GSPT1: variants seen among roughly 807,000 people sequenced by gnomAD.
GSPT1 encodes the protein eukaryotic peptide chain release factor GTP-binding subunit ERF3A.
Under a neutral mutation model 72.5 loss-of-function variants are expected in GSPT1, and 20 were observed. The observed-to-expected ratio is 0.28, with a 90% CI of 0.19 to 0.40. The LOEUF (loss-of-function observed/expected upper bound fraction) is 0.40, where lower values mean the gene tolerates loss of function less well. Among genes scored for constraint, GSPT1 ranks in the 10% least tolerant of loss-of-function variants. GSPT1 has a pLI of 1.00. For missense variants in GSPT1, 580 were observed against 811.9 expected, an observed-to-expected ratio of 0.71 and a Z score of 3.47; for synonymous variants, 334 against 293.5, an observed-to-expected ratio of 1.14 and a Z score of -1.41.
At position 11,915,673 on chromosome 16, in the gene GSPT1, C is replaced by CCGCCGCCGCCGCCG. The variant is rs2054625540; in HGVS notation, c.47_48insCGGCGGCGGCGGCG (p.Ser17GlyfsTer135). The CCGCCGCCGCCGCCG allele has an allele frequency of 7.6e-7, 1 of 1,317,396 alleles. No individual in the cohort carries two copies. Among genetic ancestry groups the CCGCCGCCGCCGCCG allele is most frequent in the African/African-American group, 1.6e-5 (1 of 63,056 alleles). 81.6% of individuals were successfully genotyped at this position (1,317,396 alleles called of 1,614,324 possible). On this transcript the variant is annotated frameshift_variant, in exon 1 of 15. Coordinates refer to ENST00000434724, the MANE Select transcript of GSPT1 (RefSeq NM_002094.4). LOFTEE classifies it high-confidence loss of function. Reference sequence around the variant, plus strand: ...CGCTGCTGCTGCTGCCGCTGCTGCTCCCGCCGCCGCCGCCGCCGCCGCCGC... The same window carrying CCGCCGCCGCCGCCG: ...CGCTGCTGCTGCTGCCGCTGCTGCTCCGCCGCCGCCGCCGCCGCCGCCGCCGCCGCCGCCGCCGC...
rs190542474 is a variant in GSPT1 at position 11,878,178 on chromosome 16, C to T, written c.1429-598G>A. Among the ~76,000 whole-genome samples the T allele has an allele frequency of 1.4e-3, 207 of 152,190 alleles. 2 individuals carry two copies. The highest frequency in any genetic ancestry group is 1.8e-3 in the Non-Finnish European group (121 of 67,996). On this transcript the variant is annotated intron_variant, in intron 11 of 14. Coordinates refer to ENST00000434724, the MANE Select transcript of GSPT1 (RefSeq NM_002094.4). Reference sequence around the variant, plus strand: ...TTGCCCAGGCTGGAGTGCAGTGGTGCGATCTTGGCTCACTGCAACCTCTGC... The same window carrying T: ...TTGCCCAGGCTGGAGTGCAGTGGTGTGATCTTGGCTCACTGCAACCTCTGC...
upstream of GSPT1, chr16:11,916,007 C>A (rs2054633831): frequency 7.4e-6 from 5 of 674,806 alleles, no homozygotes; most frequent in Admixed American, 1.8e-5. Flanking sequence ...CAACCCCACC[C>A]CCGGCGCGGA....
intron 1 of GSPT1, among the ~76,000 whole-genome samples, chr16:11,899,228 AAG>A (rs2054376168): frequency 6.6e-6 from 1 of 152,226 alleles, no homozygotes; most frequent in South Asian, 2.1e-4. Context: ...CAATACCTGT[AAG>A]AGTCAAGAGA....
rs138731095 is a variant in GSPT1 at position 11,902,589 on chromosome 16, C to CT, written c.353-4555dup. Among the ~76,000 whole-genome samples the CT allele has an allele frequency of 1.5e-3, 212 of 144,628 alleles. 7 individuals are homozygous for CT. In the South Asian group the frequency reaches 0.032, roughly 22 times the overall value. 94.9% of individuals were successfully genotyped at this position (144,628 alleles called of 152,430 possible). Reference sequence around the variant, plus strand: ...TACACATGATAAACTGGAACTGGATCTTTTTTTTTTTTTTAAGAGATGGAG... The same window carrying CT: ...TACACATGATAAACTGGAACTGGATCTTTTTTTTTTTTTTTAAGAGATGGAG... On this transcript the variant is annotated intron_variant, in intron 1 of 14. Transcript: ENST00000434724.
chr16:11,903,662 A>C (rs1324771634), intron 1 of GSPT1, among the ~76,000 whole-genome samples: 1 of 152,164 alleles, frequency 6.6e-6, no homozygotes, highest in Non-Finnish European at 1.5e-5. Context: ...CTGCACTCCA[A>C]CCTGGACCAC....
chr16:11,898,151 A>C, intron 1 of GSPT1, 116 bp from the exon 2 acceptor site: 1 of 667,880 alleles, frequency 1.5e-6, no homozygotes, highest in Non-Finnish European at 2.7e-6. Flanking sequence ...TCAATCAATA[A>C]CCCCAGATCA....
Position 11,877,399 on chromosome 16 carries a change from T to A in GSPT1, c.1602+8A>T. On this transcript the variant is annotated splice_region_variant and intron_variant, in intron 12 of 14. Transcript: ENST00000434724. This position sits in a 1 kb window ranked among gnomAD's most constrained non-coding sequence, Gnocchi z 4.0. ...AACCCACTATGACAACAACAATAAT[T>A]TGTTTACCTGGGCATCAAATGTGCG... 1.3e-6 allele frequency: 2 copies of A among 1,558,108 alleles called. No individual in the cohort carries two copies. The highest frequency in any genetic ancestry group is 1.7e-6 in the Non-Finnish European group (2 of 1,150,866).
At chr16:11,914,918 G>C (rs1013389396) in intron 1 of GSPT1, 1 of 888,408 alleles carries the variant, frequency 1.1e-6, no homozygotes, top group Non-Finnish European at 1.6e-6. Flanking sequence ...ACGCTCTCTC[G>C]GCTGGGCCTA....
intron 10 of GSPT1, among the ~76,000 whole-genome samples, chr16:11,884,568 T>G (rs1397483738): frequency 6.6e-6 from 1 of 152,144 alleles, no homozygotes; most frequent in Non-Finnish European, 1.5e-5. Flanking sequence ...GAGACCAGCC[T>G]GGCCAACATG....
chr16:11,905,365 CAT>C (rs1489405508), intron 1 of GSPT1, among the ~76,000 whole-genome samples: 2 of 152,128 alleles, frequency 1.3e-5, no homozygotes, highest in South Asian at 2.1e-4. Context: ...TAAATAGCCA[CAT>C]GTGGTTCTCG....
Position 11,915,838 on chromosome 16 carries a change from G to A in GSPT1, c.-118C>T, listed in dbSNP as rs963638750. 1.3e-6 allele frequency: 2 copies of A among 1,488,908 alleles called. No homozygotes were observed. The highest frequency in any genetic ancestry group is 1.8e-6 in the Non-Finnish European group (2 of 1,086,378). 92.2% of individuals were successfully genotyped at this position (1,488,908 alleles called of 1,614,324 possible). On this transcript the variant is annotated 5_prime_UTR_variant, in exon 1 of 15. Transcript: ENST00000434724. ...AGGCGGCGGGGCAGAAGGGCCGGGA[G>A]CTAGCGACAAAGATCCCCGGCGTCG...
chr16:11,914,862 G>T, intron 1 of GSPT1: 1 of 513,510 alleles, frequency 1.9e-6, no homozygotes, highest in Non-Finnish European at 3.3e-6. Context: ...GCCACGGACA[G>T]TTTAAACCGT....
At chr16:11,880,513 G>T (rs2054108586) in intron 11 of GSPT1, among the ~76,000 whole-genome samples, 1 of 152,130 alleles carries the variant, frequency 6.6e-6, no homozygotes, top group African/African-American at 2.4e-5. Context: ...TTTTAATTGA[G>T]ATGGGATCTC....
chr16:11,884,787 C>G (rs1486603557), intron 10 of GSPT1, among the ~76,000 whole-genome samples: 1 of 147,502 alleles, frequency 6.8e-6, no homozygotes, highest in Non-Finnish European at 1.5e-5. Flanking sequence ...AAAAAGAAGG[C>G]CAGGTACGGT....
At chr16:11,893,288 G>C (rs1485577153) in intron 5 of GSPT1, among the ~76,000 whole-genome samples, 2 of 151,836 alleles carry the variant, frequency 1.3e-5, no homozygotes, top group Non-Finnish European at 2.9e-5. Context: ...AATAAATATA[G>C]TTTTATTTTT....
At chr16:11,894,864 T>C (rs1489992585) in intron 5 of GSPT1, 90 bp downstream of exon 5, 4 of 768,736 alleles carry the variant, frequency 5.2e-6, no homozygotes, top group East Asian at 2.7e-5. Flanking sequence ...ACCTGTTTTA[T>C]CTCCTTTGTG....
chr16:11,898,503 G>A (rs910497579), intron 1 of GSPT1, among the ~76,000 whole-genome samples: 26 of 142,842 alleles, frequency 1.8e-4, no homozygotes, highest in African/African-American at 6.8e-4. Context: ...TGGAGTTGGA[G>A]TGCAATGGCA....
At chr16:11,907,554 C>T (rs1217076214) in intron 1 of GSPT1, among the ~76,000 whole-genome samples, 1 of 152,140 alleles carries the variant, frequency 6.6e-6, no homozygotes, top group Non-Finnish European at 1.5e-5. Context: ...ATGCCAGGGC[C>T]ACTCTCAGAA....
chr16:11,903,594 G>T (rs2054445294), intron 1 of GSPT1, among the ~76,000 whole-genome samples: 1 of 152,072 alleles, frequency 6.6e-6, no homozygotes, highest in South Asian at 2.1e-4. Flanking sequence ...GGCTGAGGTG[G>T]GAGGATCACT....
Sources: gnomAD v4.1 joint callset for allele counts (sites outside exome capture counted in the v4.1 genomes callset) on GRCh38, gnomAD v4.1.1 for gene constraint, Gnocchi (gnomAD v3.1) non-coding constraint, MANE v1.5 for transcripts, NCBI Gene and HGNC (gene_info 2026-07-23, HGNC 2026-07-21) for gene names.